The following KIF13B variants were observed in gnomAD, a reference collection of about 807,000 sequenced individuals.
KIF13B encodes kinesin-like protein KIF13B.
A neutral mutation model predicts 222.0 loss-of-function variants in KIF13B; 127 were observed. That is an observed-to-expected ratio of 0.57 (90% confidence interval 0.50 to 0.66). KIF13B has a LOEUF of 0.66. Among genes scored for constraint, KIF13B ranks in the 30% least tolerant of loss-of-function variants. The pLI is 0.00. For synonymous variants in KIF13B, 976 were observed against 919.0 expected, an observed-to-expected ratio of 1.06 and a Z score of -1.12; for missense variants, 2,173 against 2,379.0, an observed-to-expected ratio of 0.91 and a Z score of 1.80.
intron 31 of KIF13B, among the ~76,000 whole-genome samples, chr8:29,115,230 T>G (rs1046853301): frequency 1.3e-5 from 2 of 152,014 alleles, no homozygotes; most frequent in Non-Finnish European, 2.9e-5. Context: ...GTCAGTGTAT[T>G]GAGAATGCCT....
chr8:29,140,800 A>AC (rs1258685458), intron 19 of KIF13B, 183 bp from the exon 20 acceptor site: 1 of 531,892 alleles, frequency 1.9e-6, no homozygotes, highest in Non-Finnish European at 3.3e-6. Context: ...ACTCCCATAC[A>AC]CACTCTTCCT....
At chr8:29,241,706 GAAAAA>G (rs75531371) in intron 2 of KIF13B, among the ~76,000 whole-genome samples, 2 of 96,728 alleles carry the variant, frequency 2.1e-5, no homozygotes, top group African/African-American at 6.5e-5. Flanking sequence ...GCAAGGGAGG[GAAAAA>G]AAAAAAAAAA....
At chr8:29,148,401 T>C (rs1811152130) in intron 16 of KIF13B, among the ~76,000 whole-genome samples, 176 bp downstream of exon 16, 1 of 127,554 alleles carries the variant, frequency 7.8e-6, no homozygotes, top group South Asian at 2.3e-4. Context: ...CACTCTACCG[T>C]TTTTTTTTTT....
At chr8:29,134,255 A>T in intron 21 of KIF13B, 45 bp from the exon 22 acceptor site, 1 of 1,591,128 alleles carries the variant, frequency 6.3e-7, no homozygotes, top group South Asian at 1.1e-5. Flanking sequence ...TGAGGGTTCC[A>T]ACAAGCATTC....
In KIF13B at chr8:29,070,880, C is replaced by T. The variant is rs1807239217; in HGVS notation, c.5219-114G>A. Reference sequence around the variant, plus strand: ...CACACTGCCACCCCCCCGCACAGGCCCTACACAGCCAGCACTCGGACACTG... The same window carrying T: ...CACACTGCCACCCCCCCGCACAGGCTCTACACAGCCAGCACTCGGACACTG... On this transcript the variant is annotated intron_variant, in intron 39 of 39. Transcript: ENST00000524189. The surrounding 1 kb of genome is among the most constrained non-coding windows in gnomAD (Gnocchi z 4.1). The T allele has an allele frequency of 8.8e-7, 1 of 1,137,500 alleles. No homozygotes were observed. The allele number at this position is 1,137,500 out of a possible 1,614,324, so 70.5% of individuals were successfully genotyped here.
At chr8:29,080,833 G>C (rs771591860) in intron 37 of KIF13B, among the ~76,000 whole-genome samples, 1 of 152,102 alleles carries the variant, frequency 6.6e-6, no homozygotes, top group Non-Finnish European at 1.5e-5. Context: ...GCAGTGCCTC[G>C]AAGGACTCAA....
At chr8:29,249,430 TA>T (rs770545452) in intron 1 of KIF13B, among the ~76,000 whole-genome samples, 8,114 of 118,528 alleles carry the variant, frequency 0.068, 244 homozygotes, top group African/African-American at 0.091. Flanking sequence ...ACTCCGTCTT[TA>T]AAAAAAAAAA....
chr8:29,140,661 C>T (rs769435735), intron 19 of KIF13B, 44 bp from the exon 20 acceptor site: 2 of 1,560,160 alleles, frequency 1.3e-6, no homozygotes, highest in Non-Finnish European at 1.8e-6. Flanking sequence ...AAACCATTTA[C>T]AATAAATGCA....
chr8:29,156,626 G>C (rs527851965), intron 13 of KIF13B, among the ~76,000 whole-genome samples: 1 of 151,132 alleles, frequency 6.6e-6, no homozygotes, highest in Admixed American at 6.6e-5. Flanking sequence ...CAATCTTCCT[G>C]TCTCAGCCTC....
At chr8:29,131,584 A>G (rs1810346744) in intron 23 of KIF13B, among the ~76,000 whole-genome samples, 1 of 152,210 alleles carries the variant, frequency 6.6e-6, no homozygotes. Flanking sequence ...ATTTCAGTCA[A>G]TCCCTTTTAA....
At chr8:29,148,480 G>T in intron 16 of KIF13B, 97 bp downstream of exon 16, 1 of 793,270 alleles carries the variant, frequency 1.3e-6, no homozygotes. Flanking sequence ...CACAGTCTCA[G>T]CTCACTGCAG....
At chr8:29,208,085 A>G (rs1477134117) in intron 2 of KIF13B, among the ~76,000 whole-genome samples, 2 of 152,200 alleles carry the variant, frequency 1.3e-5, no homozygotes, top group Admixed American at 6.5e-5. Context: ...TCATCATGAA[A>G]AGGATGCTAA....
chr8:29,102,672 G>T (rs1808849389), intron 35 of KIF13B, among the ~76,000 whole-genome samples: 1 of 152,192 alleles, frequency 6.6e-6, no homozygotes, highest in African/African-American at 2.4e-5. Context: ...TAAATAACGA[G>T]AAGTGCCAGT....
Position 29,140,161 on chromosome 8 carries a change from G to T in KIF13B, c.2515C>A (p.Arg839=). The T allele has an allele frequency of 6.2e-7, 1 of 1,613,548 alleles. No homozygotes were observed. Among genetic ancestry groups the T allele is most frequent in the Non-Finnish European group, 8.5e-7 (1 of 1,179,824 alleles). Residue 839 remains arginine, a synonymous_variant, in exon 21 of 40, where the codon CGA becomes AGA. Transcript: ENST00000524189. ...VAGRLHVEVM[R]LSGDVGERIA... ...CTCTCCCCAACATCACCACTGAGTC[G>T]CATCACCTCCACGTGCAGCCGACCT...
intron 18 of KIF13B, among the ~76,000 whole-genome samples, chr8:29,145,325 A>T (rs557056658): frequency 6.6e-5 from 10 of 152,232 alleles, no homozygotes; most frequent in African/African-American, 2.2e-4. Context: ...CTATGATGTC[A>T]TAGGGAAAGA....
intron 1 of KIF13B, among the ~76,000 whole-genome samples, chr8:29,255,833 G>C (rs78727005): frequency 6.6e-6 from 1 of 152,134 alleles, no homozygotes; most frequent in East Asian, 1.9e-4. Flanking sequence ...ACATGTGATT[G>C]CTTTCACCTT....
intron 37 of KIF13B, among the ~76,000 whole-genome samples, chr8:29,082,438 A>G (rs916331524): frequency 1.3e-5 from 2 of 152,162 alleles, no homozygotes; most frequent in African/African-American, 2.4e-5. Flanking sequence ...AAACTTCCAC[A>G]TAACAGCCTG....
chr8:29,165,579 CA>C, intron 12 of KIF13B, 82 bp downstream of exon 12: 1 of 829,452 alleles, frequency 1.2e-6, no homozygotes, highest in Non-Finnish European at 2.0e-6. Flanking sequence ...AGCTGAAGAT[CA>C]AAAAGGAACC....
chr8:29,198,136 T>C (rs1331262426), intron 2 of KIF13B, among the ~76,000 whole-genome samples: 1 of 152,222 alleles, frequency 6.6e-6, no homozygotes, highest in African/African-American at 2.4e-5. Context: ...AAATGAGTGA[T>C]ACCTGTTTAA....
Sources: gnomAD v4.1 joint callset for allele counts (sites outside exome capture counted in the v4.1 genomes callset) on GRCh38, gnomAD v4.1.1 for gene constraint, Gnocchi (gnomAD v3.1) non-coding constraint, MANE v1.5 for transcripts, NCBI Gene and HGNC (gene_info 2026-07-23, HGNC 2026-07-21) for gene names.